Variants in DMD observed in about 807,000 individuals in gnomAD.
DMD encodes dystrophin.
In DMD, 63 loss-of-function variants were observed where a neutral mutation model predicts 330.1. That is an observed-to-expected ratio of 0.19 (90% CI 0.16 to 0.24). The LOEUF is 0.24. DMD is among the 10% of genes least tolerant of loss of function. The pLI is 1.00. For synonymous variants in DMD, 1,223 were observed against 959.8 expected (o/e 1.27, Z -5.07); for missense variants, 3,344 against 2,684.1 (o/e 1.25, Z -5.43).
rs796511231 is a variant in DMD at position 32,536,283 on chromosome X, A to AC, written c.2168+8875_2168+8876insG. 9.3e-3 allele frequency among the ~76,000 whole-genome samples: 956 copies of AC among 102,836 alleles called. 11 individuals are homozygous for AC. Among genetic ancestry groups the AC allele is most frequent in the South Asian group, 0.013 (30 of 2,295 alleles). 89.3% of individuals were successfully genotyped at this position (102,836 alleles called of 115,157 possible). Reference sequence around the variant, plus strand: ...CGTCTCCAAAAAAAAAAAAAAAAAAAAAAAACACACAAATGGCTGAGAACT... The same window carrying AC: ...CGTCTCCAAAAAAAAAAAAAAAAAAACAAAAACACACAAATGGCTGAGAACT... On this transcript the variant is annotated intron_variant, in intron 17 of 78. Coordinates refer to ENST00000357033, the MANE Select transcript of DMD (RefSeq NM_004006.3).
chrX:33,118,570 G>C (rs920769309), intron 1 of DMD, among the ~76,000 whole-genome samples: 3 of 111,889 alleles, frequency 2.7e-5, no homozygotes, highest in African/African-American at 9.7e-5. Flanking sequence ...ACGTTCATCT[G>C]AACAAAAGAT....
At position 32,449,372 on chromosome X, in the gene DMD, C is replaced by T. The variant is rs772652128; in HGVS notation, c.3604-734G>A. ...GACAAAAACATCAACATTACCCAAA[C>T]CACAAAACGCCCAACACTCTCCTAT... On this transcript the variant is annotated intron_variant, in intron 26 of 78. Transcript: ENST00000357033. Among the ~76,000 whole-genome samples, 8 of 110,088 alleles carry T rather than the reference C, an allele frequency of 7.3e-5. No individual in the cohort carries two copies. In the Admixed American group the frequency reaches 7.8e-4, roughly 11 times the overall value.
intron 7 of DMD, among the ~76,000 whole-genome samples, chrX:32,757,105 G>C (rs1263110244): frequency 9.0e-6 from 1 of 111,355 alleles, no homozygotes; most frequent in African/African-American, 3.3e-5. Flanking sequence ...AATATATCTT[G>C]ATAGGCATAT....
chrX:32,645,703 G>T (rs1207086910), intron 9 of DMD, among the ~76,000 whole-genome samples: 1 of 111,817 alleles, frequency 8.9e-6, no homozygotes, highest in Non-Finnish European at 1.9e-5. Context: ...ATTTCTAACA[G>T]CATAATGACT....
chrX:31,132,963 G>C (rs2034706585), intron 77 of DMD, among the ~76,000 whole-genome samples: 1 of 111,773 alleles, frequency 8.9e-6, no homozygotes, highest in Non-Finnish European at 1.9e-5. Flanking sequence ...GGCTGGTGCA[G>C]ACATTTAAAA....
chrX:32,922,822 C>A (rs1485455115), intron 2 of DMD, among the ~76,000 whole-genome samples: 4 of 111,786 alleles, frequency 3.6e-5, no homozygotes, highest in Non-Finnish European at 7.5e-5. Flanking sequence ...TGAAACTGTT[C>A]TAGATTTTTA....
chrX:32,718,157 G>T (rs1190913994), intron 7 of DMD, among the ~76,000 whole-genome samples: 1 of 110,743 alleles, frequency 9.0e-6, no homozygotes, highest in Non-Finnish European at 1.9e-5. Context: ...GATTTGGGAG[G>T]GGTTGGGGCA....
At chrX:31,121,999 T>C (rs2032681294) in intron 78 of DMD, 69 bp from the exon 79 acceptor site, 2 of 854,608 alleles carry the variant, frequency 2.3e-6, no homozygotes, top group East Asian at 6.3e-5. Context: ...CTCTGTTTCT[T>C]TGCCATTTGG....
chrX:31,706,221 T>C (rs906690594), intron 52 of DMD, among the ~76,000 whole-genome samples: 8 of 107,306 alleles, frequency 7.5e-5, no homozygotes, highest in Non-Finnish European at 1.2e-4. Flanking sequence ...AAGCAAAGAC[T>C]CAGAAGAAGT....
At chrX:32,191,949 G>A (rs185191121) in intron 44 of DMD, among the ~76,000 whole-genome samples, 2 of 111,793 alleles carry the variant, frequency 1.8e-5, no homozygotes, top group East Asian at 5.6e-4. Context: ...AGGTAAGAGG[G>A]ACATTGATGG....
At chrX:32,701,965 C>T (rs999241047) in intron 7 of DMD, among the ~76,000 whole-genome samples, 2 of 111,407 alleles carry the variant, frequency 1.8e-5, no homozygotes, top group East Asian at 5.6e-4. Context: ...TATTACTATC[C>T]CACTTCTGAG....
At chrX:33,291,635 A>C (rs928781552) in intron 1 of DMD, among the ~76,000 whole-genome samples, 2 of 111,594 alleles carry the variant, frequency 1.8e-5, no homozygotes, top group African/African-American at 6.5e-5. Flanking sequence ...TATTGCCAAG[A>C]GATAGACACC....
At chrX:32,672,968 C>T (rs1436000608) in intron 9 of DMD, among the ~76,000 whole-genome samples, 4 of 111,175 alleles carry the variant, frequency 3.6e-5, no homozygotes, top group African/African-American at 6.5e-5. Context: ...GGTTTAATTA[C>T]AAGAAATCTT....
intron 50 of DMD, among the ~76,000 whole-genome samples, chrX:31,793,376 G>A (rs749400314): frequency 8.2e-4 from 91 of 111,319 alleles, no homozygotes; most frequent in African/African-American, 2.9e-3. Context: ...CTATCAGTAC[G>A]AGAGTTGTGT....
At chrX:32,886,584 G>A (rs1297436656) in intron 2 of DMD, among the ~76,000 whole-genome samples, 1 of 110,479 alleles carries the variant, frequency 9.1e-6, no homozygotes, top group Non-Finnish European at 1.9e-5. Context: ...TCGGGAGGCT[G>A]AGGCAGGAGA....
At chrX:32,075,747 A>G (rs188138391) in intron 44 of DMD, among the ~76,000 whole-genome samples, 1 of 110,525 alleles carries the variant, frequency 9.0e-6, no homozygotes, top group East Asian at 2.9e-4. Flanking sequence ...TTCATGCCAA[A>G]AAAAAAAAAG....
At chrX:32,409,896 G>A (rs775868267) in intron 30 of DMD, among the ~76,000 whole-genome samples, 88 of 111,235 alleles carry the variant, frequency 7.9e-4, no homozygotes, top group Non-Finnish European at 1.4e-3. Flanking sequence ...AAACCCTGCC[G>A]TGGTAGACAC....
rs1259633084 is a variant in DMD, at chrX:31,120,002, CGT to C, written c.*1915_*1916del. ...GTGAGGTAGAAATAGCATGAGAAGCCGTGTTTGATGTTAATTAATTAATTATT... is the reference window on the plus strand; with the variant it reads ...GTGAGGTAGAAATAGCATGAGAAGCCGTTTGATGTTAATTAATTAATTATT... On this transcript the variant is annotated 3_prime_UTR_variant, in exon 79 of 79. Coordinates refer to ENST00000357033, the MANE Select transcript of DMD (RefSeq NM_004006.3). The C allele has an allele frequency of 4.5e-5, 5 of 110,239 alleles. No individual in the cohort carries two copies. The highest frequency in any genetic ancestry group is 9.6e-5 in the Admixed American group (1 of 10,368). The allele number at this position is 110,239 out of a possible 1,213,427, so 9.1% of individuals were successfully genotyped here.
At chrX:32,426,177 T>A (rs1050662281) in intron 29 of DMD, among the ~76,000 whole-genome samples, 2 of 112,004 alleles carry the variant, frequency 1.8e-5, no homozygotes, top group African/African-American at 6.5e-5. Flanking sequence ...TGTTGAACTC[T>A]GTCAACAGAG....
Sources: gnomAD v4.1 joint callset for allele counts (sites outside exome capture counted in the v4.1 genomes callset) on GRCh38, gnomAD v4.1.1 for gene constraint, MANE v1.5 for transcripts, NCBI Gene and HGNC (gene_info 2026-07-23, HGNC 2026-07-21) for gene names.